The following EIF4EBP1 variants were observed in gnomAD, a reference collection of about 807,000 sequenced individuals.
EIF4EBP1 encodes eukaryotic translation initiation factor 4E binding protein 1.
Under a neutral mutation model 9.2 loss-of-function variants are expected in EIF4EBP1, and 5 were observed. That is an observed-to-expected ratio of 0.54 (90% CI 0.28 to 1.14). The LOEUF (loss-of-function observed/expected upper bound fraction) is 1.14, where lower values mean the gene tolerates loss of function less well. EIF4EBP1 is among the 50% of genes most tolerant of loss of function. The probability of loss-of-function intolerance (pLI) is 0.09; values close to 1 mark genes in which losing one functional copy is unlikely to be tolerated. For missense variants in EIF4EBP1, 139 were observed against 169.6 expected, an observed-to-expected ratio of 0.82 and a Z score of 1.00; for synonymous variants, 62 against 67.0, an observed-to-expected ratio of 0.93 and a Z score of 0.36.
At chr8:38,052,069 C>A (rs1044471166) in intron 1 of EIF4EBP1, among the ~76,000 whole-genome samples, 4 of 152,120 alleles carry the variant, frequency 2.6e-5, no homozygotes, top group African/African-American at 4.8e-5. Context: ...TGGAGGCCAC[C>A]CTAGCGTGAT....
Position 38,060,055 on chromosome 8 carries a change from C to A in EIF4EBP1, c.*120C>A. The A allele has an allele frequency of 2.0e-6, 2 of 984,940 alleles. No individual in the cohort carries two copies. The highest frequency in any genetic ancestry group is 3.2e-6 in the Non-Finnish European group (2 of 617,812). The allele number at this position is 984,940 out of a possible 1,614,324, so 61.0% of individuals were successfully genotyped here. A position where few individuals can be genotyped will look rare whatever the true frequency, so the allele number is the denominator to read the frequency against. ...GGGCAGGCGTTGGCGTGGGGTCGGACACCCCAGCCCTTTCTCCCTCACTCA... is the reference window on the plus strand; with the variant it reads ...GGGCAGGCGTTGGCGTGGGGTCGGAAACCCCAGCCCTTTCTCCCTCACTCA... On this transcript the variant is annotated 3_prime_UTR_variant, in exon 3 of 3. Coordinates refer to ENST00000338825, the MANE Select transcript of EIF4EBP1 (RefSeq NM_004095.4).
chr8:38,034,137 C>T (rs911066694), intron 1 of EIF4EBP1, among the ~76,000 whole-genome samples: 2 of 152,078 alleles, frequency 1.3e-5, no homozygotes, highest in African/African-American at 4.8e-5. Context: ...GTCTCAAACT[C>T]CTGGGCTCAA....
chr8:38,048,756 T>C (rs1275531121), intron 1 of EIF4EBP1, among the ~76,000 whole-genome samples: 1 of 150,608 alleles, frequency 6.6e-6, no homozygotes. Context: ...AGGAGGATCA[T>C]TTGAAACCAG....
intron 1 of EIF4EBP1, among the ~76,000 whole-genome samples, chr8:38,033,563 T>C (rs1344801787): frequency 6.6e-6 from 1 of 151,644 alleles, no homozygotes; most frequent in Admixed American, 6.6e-5. Flanking sequence ...TGATAGAGTG[T>C]CTGCATGGCT....
intron 1 of EIF4EBP1, among the ~76,000 whole-genome samples, chr8:38,047,154 C>T (rs1428502211): frequency 6.6e-6 from 1 of 152,206 alleles, no homozygotes; most frequent in East Asian, 1.9e-4. Context: ...CCTTGGTGAT[C>T]TCCTCTTACG....
chr8:38,050,371 C>T (rs555606464), intron 1 of EIF4EBP1, among the ~76,000 whole-genome samples: 4 of 152,206 alleles, frequency 2.6e-5, no homozygotes, highest in Admixed American at 2.0e-4. Context: ...GTTTTTGACA[C>T]AGGGTTTCAC....
Position 38,057,169 on chromosome 8 carries a change from T to C in EIF4EBP1, c.234T>C (p.Ile78=). The C allele has an allele frequency of 6.2e-7, 1 of 1,614,198 alleles. No homozygotes were observed. The change falls in exon 2 of 3, where the codon ATT becomes ATC. Residue 78 remains isoleucine, a synonymous_variant. Coordinates refer to ENST00000338825, the MANE Select transcript of EIF4EBP1 (RefSeq NM_004095.4). ...CACCCCCAAGGGATCTGCCCACCAT[T>C]CCGGGGGTCACCAGCCCTTCCAGTG... The part of the protein sequence containing the change: ...TKTPPRDLPT[I]PGVTSPSSDE...
At chr8:38,037,546 C>T (rs899868398) in intron 1 of EIF4EBP1, among the ~76,000 whole-genome samples, 2 of 151,958 alleles carry the variant, frequency 1.3e-5, no homozygotes, top group Non-Finnish European at 2.9e-5. Flanking sequence ...ATCTCCTGAC[C>T]TTGTGATCCA....
chr8:38,042,183 C>T (rs886520860), intron 1 of EIF4EBP1, among the ~76,000 whole-genome samples: 6 of 152,132 alleles, frequency 3.9e-5, no homozygotes, highest in Non-Finnish European at 7.3e-5. Context: ...CCCTACCCAG[C>T]ACTACCATGT....
intron 1 of EIF4EBP1, among the ~76,000 whole-genome samples, chr8:38,055,920 A>G (rs1336438496): frequency 6.6e-6 from 1 of 152,090 alleles, no homozygotes; most frequent in African/African-American, 2.4e-5. Context: ...AAGGTCAGTG[A>G]CACACTGGCA....
At chr8:38,048,048 C>T (rs10106996) in intron 1 of EIF4EBP1, among the ~76,000 whole-genome samples, 5 of 152,066 alleles carry the variant, frequency 3.3e-5, no homozygotes, top group Non-Finnish European at 5.9e-5. Context: ...CAGTGGATCA[C>T]TTGAGCCCAG....
At chr8:38,032,885 G>A (rs1451265556) in intron 1 of EIF4EBP1, among the ~76,000 whole-genome samples, 1 of 152,086 alleles carries the variant, frequency 6.6e-6, no homozygotes, top group Non-Finnish European at 1.5e-5. Context: ...CCAGGGCAGA[G>A]AAGCCAAAAT....
intron 1 of EIF4EBP1, among the ~76,000 whole-genome samples, chr8:38,056,254 A>C (rs905165960): frequency 6.6e-6 from 1 of 152,034 alleles, no homozygotes; most frequent in African/African-American, 2.4e-5. Flanking sequence ...GGCCTCCCAA[A>C]GTGCTGAGAT....
chr8:38,030,676 A>G lies in EIF4EBP1; in HGVS notation c.103A>G (p.Ser35Gly). Residue 35 changes from serine (S) to glycine (G), a missense_variant, in exon 1 of 3, where the codon AGC (serine) becomes GGC (glycine). Ser to Gly is a moderately conservative substitution (Grantham distance 56). Coordinates refer to ENST00000338825, the MANE Select transcript of EIF4EBP1 (RefSeq NM_004095.4). ...DGVQLPPGDY[S>G]TTPGGTLFST... is the part of the protein sequence containing the mutation. ...CGTGCAGCTCCCGCCCGGGGACTAC[A>G]GCACGACCCCCGGCGGCACGCTCTT... 6.7e-7 allele frequency: 1 copy of G among 1,490,166 alleles called. No individual in the cohort carries two copies. The highest frequency in any genetic ancestry group is 8.9e-7 in the Non-Finnish European group (1 of 1,125,932). 92.3% of individuals were successfully genotyped at this position (1,490,166 alleles called of 1,614,324 possible). A position where few individuals can be genotyped will look rare whatever the true frequency, so the allele number is the denominator to read the frequency against.
intron 2 of EIF4EBP1, among the ~76,000 whole-genome samples, chr8:38,057,985 G>A (rs1227375747): frequency 2.0e-5 from 3 of 152,142 alleles, no homozygotes; most frequent in Admixed American, 6.6e-5. Context: ...GGAACCCGCC[G>A]ACCCTTCACC....
intron 1 of EIF4EBP1, among the ~76,000 whole-genome samples, chr8:38,052,046 A>G (rs1184477917): frequency 6.6e-6 from 1 of 152,132 alleles, no homozygotes. Flanking sequence ...ACCTTTGGCT[A>G]AAGAGTTTTA....
chr8:38,033,125 C>T (rs1809248792), intron 1 of EIF4EBP1, among the ~76,000 whole-genome samples: 1 of 142,670 alleles, frequency 7.0e-6, no homozygotes, highest in Non-Finnish European at 1.5e-5. Flanking sequence ...AGTGCAGTGG[C>T]GCAATCTCAG....
At chr8:38,042,184 A>G (rs28377666) in intron 1 of EIF4EBP1, among the ~76,000 whole-genome samples, 113,231 of 152,080 alleles carry the variant, frequency 0.74, 42,419 homozygotes, top group Middle Eastern at 0.87. Context: ...CCTACCCAGC[A>G]CTACCATGTG....
intron 1 of EIF4EBP1, among the ~76,000 whole-genome samples, chr8:38,053,687 C>T (rs572861036): frequency 2.8e-4 from 42 of 152,288 alleles, no homozygotes; most frequent in Admixed American, 5.2e-4. Flanking sequence ...AAGCAAAATG[C>T]GCGCACACTC....
Sources: allele counts gnomAD v4.1 joint callset (sites outside exome capture counted in the v4.1 genomes callset), GRCh38; gene constraint gnomAD v4.1.1; transcripts MANE v1.5; gene names NCBI Gene and HGNC (gene_info 2026-07-23, HGNC 2026-07-21).